The following CLEC3A variants were observed in gnomAD, a reference collection of about 807,000 sequenced individuals.
CLEC3A encodes C-type (calcium dependent, carbohydrate-recognition domain) lectin, superfamily member 1 (cartilage-derived).
Under a neutral mutation model 20.4 loss-of-function variants are expected in CLEC3A, and 28 were observed. The ratio of observed to expected loss-of-function variants is 1.37; its 90% CI spans 1.02 to 1.88. The LOEUF is 1.88. CLEC3A is among the 40% of genes most tolerant of loss of function. The pLI is 0.00. For synonymous variants in CLEC3A, 110 were observed against 88.1 expected (o/e 1.25, Z -1.39); for missense variants, 357 against 240.4 (o/e 1.48, Z -3.21).
At chr16:78,022,800 G>A (rs1038476256) in intron 1 of CLEC3A, 59 bp downstream of exon 1, 1 of 1,578,400 alleles carries the variant, frequency 6.3e-7, no homozygotes, top group Non-Finnish European at 8.6e-7. Context: ...GGAGGTGCTG[G>A]ACAATGTTAA....
intron 1 of CLEC3A, among the ~76,000 whole-genome samples, chr16:78,024,795 T>C (rs2018792172): frequency 6.6e-6 from 1 of 152,192 alleles, no homozygotes; most frequent in African/African-American, 2.4e-5. Context: ...TATCAGGTAA[T>C]ACTATTCCCA....
intron 1 of CLEC3A, among the ~76,000 whole-genome samples, chr16:78,024,270 C>A (rs553265157): frequency 1.3e-5 from 2 of 152,072 alleles, no homozygotes; most frequent in African/African-American, 4.8e-5. Flanking sequence ...GTGAGAGTGG[C>A]GATCACCCAG....
rs754276526 is a variant in CLEC3A, at chr16:78,028,091, C to T, written c.116-16C>T. 2 of 1,596,248 alleles carry T rather than the reference C, an allele frequency of 1.3e-6. No homozygotes were observed. The highest frequency in any genetic ancestry group is 1.7e-6 in the Non-Finnish European group (2 of 1,168,838). The stretch of plus-strand genomic sequence containing the variant: ...TTTCATCCACCTACCCCATCCCACC[C>T]TAAAATTTTCCCCAGACAAGGATGG... On this transcript the variant is annotated splice_polypyrimidine_tract_variant and intron_variant, in intron 1 of 2. Coordinates refer to ENST00000299642, the MANE Select transcript of CLEC3A (RefSeq NM_005752.6).
At position 78,025,504 on chromosome 16, in the gene CLEC3A, T is replaced by C. The variant is rs114122405; in HGVS notation, c.116-2603T>C. Among the ~76,000 whole-genome samples, 998 of 152,332 alleles carry C rather than the reference T, an allele frequency of 6.6e-3. 13 individuals carry two copies. Among genetic ancestry groups the C allele is most frequent in the African/African-American group, 0.023 (968 of 41,576 alleles). On this transcript the variant is annotated intron_variant, in intron 1 of 2. Coordinates refer to ENST00000299642, the MANE Select transcript of CLEC3A (RefSeq NM_005752.6). ...GTGTATGGGAGTGCCCATTCCTATGTATTTTGACAGTCCAACATCATATAA... is the reference window on the plus strand; with the variant it reads ...GTGTATGGGAGTGCCCATTCCTATGCATTTTGACAGTCCAACATCATATAA...
At chr16:78,028,372 T>C (rs2029987435) in intron 2 of CLEC3A, among the ~76,000 whole-genome samples, 182 bp downstream of exon 2, 1 of 152,236 alleles carries the variant, frequency 6.6e-6, no homozygotes, top group Non-Finnish European at 1.5e-5. Context: ...CCCATTCTCC[T>C]ATATATGGGT....
At position 78,032,083 on chromosome 16, in the gene CLEC3A, G is replaced by C. The variant is rs932757621; in HGVS notation, c.*1242G>C. 2.6e-5 allele frequency: 4 copies of C among 152,650 alleles called. No homozygotes were observed. The highest frequency in any genetic ancestry group is 6.5e-5 in the Admixed American group (1 of 15,292). The allele number at this position is 152,650 out of a possible 1,614,324, so 9.5% of individuals were successfully genotyped here. On this transcript the variant is annotated 3_prime_UTR_variant, in exon 3 of 3. Coordinates refer to ENST00000299642, the MANE Select transcript of CLEC3A (RefSeq NM_005752.6). ...GCTGTTTTCATTGCTCAATAATAAA[G>C]CCTGAATTCTGATCAATAGAAAATG...
Position 78,030,458 on chromosome 16 carries a change from G to A in CLEC3A, c.211G>A (p.Gly71Ser). 2.5e-6 allele frequency: 4 copies of A among 1,605,120 alleles called. No individual in the cohort carries two copies. The highest frequency in any genetic ancestry group is 3.4e-6 in the Non-Finnish European group (4 of 1,174,434). The stretch of plus-strand genomic sequence containing the variant: ...TCACATCTTCACAGTCTGTCTCCGA[G>A]GCACTAAAGTTCACAAGAAATGCTA... ...IQALQTVCLR[G>S]TKVHKKCYLA... Residue 71 changes from glycine to serine, a missense_variant, in exon 3 of 3, where the codon GGC becomes AGC. Gly to Ser is a moderately conservative substitution (Grantham distance 56). Coordinates refer to ENST00000299642, the MANE Select transcript of CLEC3A (RefSeq NM_005752.6).
At chr16:78,022,810 A>G (rs1021412319) in intron 1 of CLEC3A, 69 bp downstream of exon 1, 1 of 1,531,804 alleles carries the variant, frequency 6.5e-7, no homozygotes, top group Admixed American at 1.9e-5. Flanking sequence ...GACAATGTTA[A>G]TTTTCAAACT....
intron 1 of CLEC3A, among the ~76,000 whole-genome samples, chr16:78,025,120 T>A (rs117993831): frequency 0.015 from 2,340 of 152,144 alleles, 22 homozygotes; most frequent in Middle Eastern, 0.034. Context: ...ATTCCCAGAG[T>A]TTTTAAAATG....
intron 1 of CLEC3A, among the ~76,000 whole-genome samples, chr16:78,026,155 G>C (rs547418212): frequency 1.3e-5 from 2 of 152,322 alleles, no homozygotes; most frequent in East Asian, 1.9e-4. Context: ...GGGATGCTTT[G>C]AGAACTGATG....
At chr16:78,024,743 TTC>T (rs1440270441) in intron 1 of CLEC3A, among the ~76,000 whole-genome samples, 1 of 152,210 alleles carries the variant, frequency 6.6e-6, no homozygotes, top group East Asian at 1.9e-4. Context: ...GAAAGCCATC[TTC>T]TCTCTCCCAA....
In CLEC3A at chr16:78,030,771, A is replaced by G; in HGVS notation, c.524A>G (p.Gln175Arg). The G allele has an allele frequency of 6.2e-7, 1 of 1,614,162 alleles. No individual in the cohort carries two copies. The highest frequency in any genetic ancestry group is 8.5e-7 in the Non-Finnish European group (1 of 1,180,008). Reference protein sequence around the residue: ...ENCVLFSQSAQGKWSDEACRS... With the variant: ...ENCVLFSQSARGKWSDEACRS... ...TGTGTCCTGTTCTCCCAATCAGCTC[A>G]GGGCAAGTGGAGTGATGAGGCCTGT... The change falls in exon 3 of 3, where the codon CAG (glutamine) becomes CGG (arginine). Residue 175 changes from glutamine to arginine, a missense_variant. By Grantham distance (43) the Gln-to-Arg change is conservative. Transcript: ENST00000299642.
chr16:78,027,022 C>T (rs1454164051), intron 1 of CLEC3A, among the ~76,000 whole-genome samples: 1 of 152,204 alleles, frequency 6.6e-6, no homozygotes, highest in Non-Finnish European at 1.5e-5. Flanking sequence ...TTGAGACACT[C>T]TCATTGGACT....
chr16:78,027,538 A>G (rs1350899367), intron 1 of CLEC3A, among the ~76,000 whole-genome samples: 1 of 152,222 alleles, frequency 6.6e-6, no homozygotes, highest in Non-Finnish European at 1.5e-5. Context: ...AAGGAGCCTC[A>G]TCTCACAGAA....
chr16:78,024,452 C>T (rs559994975), intron 1 of CLEC3A, among the ~76,000 whole-genome samples: 3 of 152,218 alleles, frequency 2.0e-5, no homozygotes, highest in Admixed American at 2.0e-4. Flanking sequence ...TCTTTACCCC[C>T]TTCTTCCCCA....
At chr16:78,024,992 G>A (rs1206892599) in intron 1 of CLEC3A, among the ~76,000 whole-genome samples, 1 of 152,066 alleles carries the variant, frequency 6.6e-6, no homozygotes, top group Non-Finnish European at 1.5e-5. Flanking sequence ...ATGCCCAGCT[G>A]ATATTTGTAC....
At chr16:78,029,583 T>G (rs59656370) in intron 2 of CLEC3A, among the ~76,000 whole-genome samples, 34,220 of 151,984 alleles carry the variant, frequency 0.23, 4,225 homozygotes, top group African/African-American at 0.32. Context: ...TTGGCCAGAC[T>G]GGTCTTGAAC....
At chr16:78,023,229 G>A (rs2018772409) in intron 1 of CLEC3A, among the ~76,000 whole-genome samples, 1 of 152,148 alleles carries the variant, frequency 6.6e-6, no homozygotes, top group African/African-American at 2.4e-5. Context: ...TTTGTCATTA[G>A]TTATCATTAG....
At chr16:78,024,692 C>A (rs1567542831) in intron 1 of CLEC3A, among the ~76,000 whole-genome samples, 3 of 152,226 alleles carry the variant, frequency 2.0e-5, no homozygotes, top group South Asian at 4.1e-4. Flanking sequence ...AGTTTAAGTA[C>A]CTTGAAATAT....
Sources: gnomAD v4.1 joint callset for allele counts (sites outside exome capture counted in the v4.1 genomes callset) on GRCh38, gnomAD v4.1.1 for gene constraint, MANE v1.5 for transcripts, NCBI Gene and HGNC (gene_info 2026-07-23, HGNC 2026-07-21) for gene names.